The following CLVS1 variants were observed in gnomAD, a reference collection of about 807,000 sequenced individuals.
CLVS1 encodes clavesin-1.
A neutral mutation model predicts 33.1 loss-of-function variants in CLVS1; 10 were observed. The observed-to-expected ratio is 0.30, with a 90% CI of 0.19 to 0.51. CLVS1 has a LOEUF of 0.51. Among genes scored for constraint, CLVS1 ranks in the 20% least tolerant of loss-of-function variants. The probability of loss-of-function intolerance (pLI) is 0.97; values close to 1 mark genes in which losing one functional copy is unlikely to be tolerated. For missense variants in CLVS1, 343 were observed against 433.4 expected (o/e 0.79, Z 1.85); for synonymous variants, 163 against 166.1 (o/e 0.98, Z 0.14).
intron 1 of CLVS1, among the ~76,000 whole-genome samples, chr8:61,129,626 A>G (rs1806048439): frequency 6.6e-6 from 1 of 152,150 alleles, no homozygotes; most frequent in African/African-American, 2.4e-5. Flanking sequence ...CAATAAGGCC[A>G]CTTTCTGGTT....
intron 2 of CLVS1, among the ~76,000 whole-genome samples, chr8:61,320,535 T>C (rs1005087066): frequency 1.3e-5 from 2 of 152,202 alleles, no homozygotes; most frequent in Admixed American, 6.5e-5. Context: ...GGGTTTCTAT[T>C]ACAAAATACC....
At chr8:61,457,202 G>T (rs971744026) in intron 4 of CLVS1, among the ~76,000 whole-genome samples, 1 of 152,074 alleles carries the variant, frequency 6.6e-6, no homozygotes, top group African/African-American at 2.4e-5. Context: ...CTCTCAAAGT[G>T]CTGGGATTAC....
intron 5 of CLVS1, among the ~76,000 whole-genome samples, chr8:61,483,416 C>A (rs1026373694): frequency 2.0e-5 from 3 of 152,150 alleles, no homozygotes; most frequent in African/African-American, 7.2e-5. Context: ...CCTGAATACA[C>A]CAATAATAGG....
At chr8:61,087,826 T>A (rs543986114) in intron 1 of CLVS1, among the ~76,000 whole-genome samples, 1 of 152,216 alleles carries the variant, frequency 6.6e-6, no homozygotes, top group Admixed American at 6.5e-5. Flanking sequence ...ACTTAAAATA[T>A]GTAATATACA....
Position 61,123,452 on chromosome 8 carries a change from A to G in CLVS1, c.-242-8318A>G, listed in dbSNP as rs542491313. Among the ~76,000 whole-genome samples the G allele has an allele frequency of 2.0e-5, 3 of 152,354 alleles. No individual in the cohort carries two copies. In the East Asian group the frequency reaches 5.8e-4, roughly 29 times the overall value. On this transcript the variant is annotated intron_variant, in intron 1 of 2. Transcript: ENST00000522621. ...AAAAAGAAGTTATAAATACGTTTGT[A>G]TGCTACTAAGCTAAAAATTATATGT...
chr8:61,491,508 T>G (rs1406729771), intron 5 of CLVS1, among the ~76,000 whole-genome samples: 1 of 152,246 alleles, frequency 6.6e-6, no homozygotes, highest in Non-Finnish European at 1.5e-5. Context: ...TTTATATTAC[T>G]TCCTGAAGCT....
At chr8:61,161,540 G>C (rs1806751686) in intron 2 of CLVS1, among the ~76,000 whole-genome samples, 1 of 152,152 alleles carries the variant, frequency 6.6e-6, no homozygotes. Flanking sequence ...AGTAAAATGA[G>C]CCAGACATAG....
intron 1 of CLVS1, among the ~76,000 whole-genome samples, chr8:61,086,021 G>A: frequency 8.7e-6 from 1 of 114,786 alleles, no homozygotes; most frequent in Non-Finnish European, 1.7e-5. Flanking sequence ...GGGCGACAGA[G>A]CGAGACTCCC....
At chr8:61,130,267 A>ATAAATAAATAAATAAATAAATAAG (rs995615267) in intron 1 of CLVS1, among the ~76,000 whole-genome samples, 2 of 150,524 alleles carry the variant, frequency 1.3e-5, no homozygotes, top group African/African-American at 4.9e-5. Flanking sequence ...AAATAAATAA[A>ATAAATAAATAAATAAATAAATAAG]TAAATAAATA....
chr8:61,218,989 C>T (rs1808152365), intron 2 of CLVS1, among the ~76,000 whole-genome samples: 1 of 151,860 alleles, frequency 6.6e-6, no homozygotes. Flanking sequence ...AAGGTACTCA[C>T]AATTGTTGGG....
At chr8:61,288,254 C>A (rs1217256988) in intron 1 of CLVS1, 116 bp downstream of exon 1, 1 of 456,514 alleles carries the variant, frequency 2.2e-6, no homozygotes, top group Non-Finnish European at 4.4e-6. Context: ...CAGCTCCCAT[C>A]TGCAATCCCT....
chr8:61,001,626 C>T, the CLVS1 span, among the ~76,000 whole-genome samples: 2 of 152,202 alleles, frequency 1.3e-5, no homozygotes, highest in African/African-American at 4.8e-5. Context: ...AGTAGTTTCC[C>T]ATTGTATGGA....
chr8:61,372,413 CTT>C (rs1019415508), intron 2 of CLVS1, among the ~76,000 whole-genome samples: 3 of 152,000 alleles, frequency 2.0e-5, no homozygotes, highest in African/African-American at 2.4e-5. Context: ...TAAAAATAAA[CTT>C]TTTATTTACA....
chr8:61,152,328 C>T (rs1366345527), intron 2 of CLVS1, among the ~76,000 whole-genome samples: 3 of 152,176 alleles, frequency 2.0e-5, no homozygotes, highest in African/African-American at 7.2e-5. Flanking sequence ...GCCCTACCCT[C>T]AGGCCTTCAT....
chr8:61,204,040 G>A (rs1191590248), intron 2 of CLVS1, among the ~76,000 whole-genome samples: 1 of 152,160 alleles, frequency 6.6e-6, no homozygotes, highest in African/African-American at 2.4e-5. Flanking sequence ...ACAGGAATGA[G>A]GTCAAGAAGA....
At chr8:61,387,359 G>T (rs535470674) in intron 3 of CLVS1, among the ~76,000 whole-genome samples, 1 of 151,892 alleles carries the variant, frequency 6.6e-6, no homozygotes, top group Non-Finnish European at 1.5e-5. Context: ...TGCACTCCAG[G>T]CTGGGTGGCT....
At chr8:60,971,567 C>T in the CLVS1 span, among the ~76,000 whole-genome samples, 1 of 152,158 alleles carries the variant, frequency 6.6e-6, no homozygotes, top group Admixed American at 6.5e-5. Flanking sequence ...TAAAGGCTTC[C>T]AGAGGTGCAG....
Position 61,142,684 on chromosome 8 carries a change from C to T in CLVS1, c.-152+10824C>T, listed in dbSNP as rs376927828. On this transcript the variant is annotated intron_variant, in intron 2 of 2. Coordinates refer to the CLVS1 transcript ENST00000522621. The stretch of plus-strand genomic sequence containing the variant: ...CTTCTGGGGAGCCACTGAACCTGAG[C>T]AAAACAGGCTTCTCATGCTTGTCTT... Among the ~76,000 whole-genome samples the T allele has an allele frequency of 7.2e-5, 11 of 152,298 alleles. No homozygotes were observed. The East Asian group carries it at 1.2e-3, about 16-fold the overall frequency.
intron 2 of CLVS1, among the ~76,000 whole-genome samples, chr8:61,282,523 G>A (rs371877222): frequency 5.3e-5 from 8 of 152,254 alleles, no homozygotes; most frequent in South Asian, 2.1e-4. Context: ...GAGAACAAGC[G>A]GACATGGATT....
Sources: allele counts gnomAD v4.1 joint callset (sites outside exome capture counted in the v4.1 genomes callset), GRCh38; gene constraint gnomAD v4.1.1; transcripts MANE v1.5; gene names NCBI Gene and HGNC (gene_info 2026-07-23, HGNC 2026-07-21).